DYTN: variants seen among roughly 807,000 people sequenced by gnomAD.
DYTN encodes the protein dystrotelin.
A neutral mutation model predicts 69.6 loss-of-function variants in DYTN; 75 were observed. The observed-to-expected ratio is 1.08, with a 90% CI of 0.89 to 1.31. DYTN has a LOEUF of 1.31. Ranked by LOEUF, DYTN falls within the 50% of genes most tolerant of loss-of-function variation. DYTN has a pLI of 0.00. For missense variants in DYTN, 726 were observed against 688.4 expected, an observed-to-expected ratio of 1.05 and a Z score of -0.61; for synonymous variants, 252 against 249.1, an observed-to-expected ratio of 1.01 and a Z score of -0.11.
intron 7 of DYTN, 139 bp from the exon 8 acceptor site, chr2:206,695,016 C>G: frequency 1.8e-6 from 1 of 567,976 alleles, no homozygotes; most frequent in Non-Finnish European, 3.0e-6. Context: ...AAGTTTCTCC[C>G]AAACTATAGG....
rs192442269 is a variant in DYTN at position 206,682,081 on chromosome 2, G to A, written c.980+11094C>T. ...TTGTTATTGGTCTATTTAGGGTTTC[G>A]ACTTCTTCCTGGTTTAGTCTTGGGA... is the stretch of plus-strand genomic sequence containing the variant. On this transcript the variant is annotated intron_variant, in intron 9 of 11. Coordinates refer to ENST00000452335, the MANE Select transcript of DYTN (RefSeq NM_001093730.1). 3.6e-4 allele frequency among the ~76,000 whole-genome samples: 55 copies of A among 152,148 alleles called. 1 individual carries two copies. In the East Asian group the frequency reaches 9.3e-3, roughly 26 times the overall value.
intron 9 of DYTN, among the ~76,000 whole-genome samples, chr2:206,680,519 T>C (rs1699739685): frequency 6.6e-6 from 1 of 152,202 alleles, no homozygotes. Context: ...CTACTTGCTT[T>C]TTTCTCTGAT....
At position 206,707,356 on chromosome 2, in the gene DYTN, A is replaced by G; in HGVS notation, c.242T>C (p.Val81Ala). The G allele has an allele frequency of 3.7e-6, 6 of 1,612,818 alleles. No homozygotes were observed. Among genetic ancestry groups the G allele is most frequent in the Non-Finnish European group, 5.1e-6 (6 of 1,179,548 alleles). Reference protein sequence around the residue: ...QKAREENPGQVHPRAPELTLS... With the variant: ...QKAREENPGQAHPRAPELTLS... ...AGTGAGTTCCGGAGCTCTGGGATGC[A>G]CTTGTCCTGGGTTTTCCTCCCTGGC... The change falls in exon 3 of 12, where the codon GTG (valine) becomes GCG (alanine). Residue 81 changes from valine to alanine, a missense_variant. Val to Ala is a moderately conservative substitution (Grantham distance 64). Transcript: ENST00000452335.
intron 9 of DYTN, among the ~76,000 whole-genome samples, chr2:206,676,707 G>C (rs2105892361): frequency 6.6e-6 from 1 of 152,304 alleles, no homozygotes; most frequent in African/African-American, 2.4e-5. Flanking sequence ...GTACTAAACA[G>C]CAGTGCCTAT....
At chr2:206,690,359 C>G (rs1699851959) in intron 9 of DYTN, among the ~76,000 whole-genome samples, 1 of 152,082 alleles carries the variant, frequency 6.6e-6, no homozygotes, top group Non-Finnish European at 1.5e-5. Flanking sequence ...TGGTGGGGAA[C>G]AGGGTTTATA....
intron 8 of DYTN, among the ~76,000 whole-genome samples, chr2:206,694,467 G>A (rs549729675): frequency 1.3e-5 from 2 of 152,256 alleles, no homozygotes; most frequent in East Asian, 3.9e-4. Flanking sequence ...CCCATTTCCA[G>A]TGCTGCTCCC....
chr2:206,714,555 A>G (rs930323150), intron 1 of DYTN, among the ~76,000 whole-genome samples: 2 of 152,184 alleles, frequency 1.3e-5, no homozygotes, highest in Non-Finnish European at 2.9e-5. Flanking sequence ...GGACAGGCCC[A>G]TGAAAGAATT....
Position 206,710,497 on chromosome 2 carries a change from A to G in DYTN, c.94+27T>C, listed in dbSNP as rs188925079. On this transcript the variant is annotated intron_variant, in intron 2 of 11. Transcript: ENST00000452335. ...TCGCACATCAAGCTCAGATTATTTCAAATATTTCAGGAGAGCCTATACTTA... is the reference window on the plus strand; with the variant it reads ...TCGCACATCAAGCTCAGATTATTTCGAATATTTCAGGAGAGCCTATACTTA... 16 of 1,593,126 alleles carry G rather than the reference A, an allele frequency of 1.0e-5. No individual in the cohort carries two copies. The East Asian group carries it at 3.6e-4, about 36-fold the overall frequency.
chr2:206,659,581 C>T (rs1456402710), intron 11 of DYTN, among the ~76,000 whole-genome samples: 6 of 148,412 alleles, frequency 4.0e-5, no homozygotes, highest in South Asian at 2.2e-4. Flanking sequence ...TAGAGGCAAA[C>T]GAAAATACTT....
At chr2:206,711,194 C>T (rs1700075928) in intron 1 of DYTN, among the ~76,000 whole-genome samples, 1 of 152,214 alleles carries the variant, frequency 6.6e-6, no homozygotes, top group Non-Finnish European at 1.5e-5. Context: ...TATTTTCTCT[C>T]TGCTCAATAT....
At chr2:206,714,129 T>C (rs769907853) in intron 1 of DYTN, among the ~76,000 whole-genome samples, 2 of 152,238 alleles carry the variant, frequency 1.3e-5, no homozygotes, top group Non-Finnish European at 2.9e-5. Context: ...TCTGTGTTCA[T>C]CTTGTAAGTC....
chr2:206,678,640 T>C (rs1699717376), intron 9 of DYTN, among the ~76,000 whole-genome samples: 1 of 152,160 alleles, frequency 6.6e-6, no homozygotes, highest in Non-Finnish European at 1.5e-5. Flanking sequence ...ACAATGACAA[T>C]GGAAAATGCT....
At position 206,718,302 on chromosome 2, in the gene DYTN, A is replaced by G. The variant is rs1376997472; in HGVS notation, c.-23T>C. 1 of 1,601,500 alleles carries G rather than the reference A, an allele frequency of 6.2e-7. No individual in the cohort carries two copies. The highest frequency in any genetic ancestry group is 8.5e-7 in the Non-Finnish European group (1 of 1,173,874). ...CATTTCACAAATTTCCTGGAATGAC[A>G]GATGGCAAGTGGGTCCCTGTAACTA... On this transcript the variant is annotated 5_prime_UTR_variant, in exon 1 of 12. Coordinates refer to ENST00000452335, the MANE Select transcript of DYTN (RefSeq NM_001093730.1).
chr2:206,707,477 G>A lies in DYTN; in HGVS notation c.121C>T (p.Gln41Ter), dbSNP rs1403402137. 1 of 1,610,894 alleles carries A rather than the reference G, an allele frequency of 6.2e-7. No individual in the cohort carries two copies. The highest frequency in any genetic ancestry group is 2.2e-5 in the East Asian group (1 of 44,810). ...AAACTTGGACGCAGTAGGACCTGCT[G>A]AATCAGGGAGCTGTCAATCAAGTCC... ...QLDLIDSSLI[Q>*]QVLLRPSFWE... Residue 41 changes from glutamine to a stop codon, truncating the protein, a stop_gained, in exon 3 of 12, where the codon CAG becomes TAG. Coordinates refer to ENST00000452335, the MANE Select transcript of DYTN (RefSeq NM_001093730.1). LOFTEE classifies it high-confidence loss of function.
intron 9 of DYTN, among the ~76,000 whole-genome samples, chr2:206,669,160 C>T (rs1045387463): frequency 1.3e-5 from 2 of 152,200 alleles, no homozygotes; most frequent in African/African-American, 4.8e-5. Context: ...GAGACTGTTG[C>T]TTTTAAAATA....
chr2:206,685,984 C>CG (rs1699801424), intron 9 of DYTN, among the ~76,000 whole-genome samples: 1 of 108,856 alleles, frequency 9.2e-6, no homozygotes, highest in African/African-American at 4.4e-5. Flanking sequence ...AAATAGAGTG[C>CG]GGAAAAAAAA....
intron 2 of DYTN, among the ~76,000 whole-genome samples, chr2:206,710,022 G>A (rs751137622): frequency 7.9e-5 from 12 of 152,174 alleles, no homozygotes; most frequent in South Asian, 6.2e-4. Flanking sequence ...GGGAATTCTC[G>A]AGATAGTTTT....
chr2:206,658,769 T>C (rs1359542904), intron 11 of DYTN, among the ~76,000 whole-genome samples: 1 of 152,234 alleles, frequency 6.6e-6, no homozygotes, highest in African/African-American at 2.4e-5. Context: ...GTTTTCATGC[T>C]AGTCCAAGAT....
chr2:206,680,714 A>T (rs568923782), intron 9 of DYTN, among the ~76,000 whole-genome samples: 1 of 152,206 alleles, frequency 6.6e-6, no homozygotes, highest in African/African-American at 2.4e-5. Context: ...TGTATATTTT[A>T]ATGACTAATA....
Sources: gnomAD v4.1 joint callset for allele counts (sites outside exome capture counted in the v4.1 genomes callset) on GRCh38, gnomAD v4.1.1 for gene constraint, MANE v1.5 for transcripts, NCBI Gene and HGNC (gene_info 2026-07-23, HGNC 2026-07-21) for gene names.